Variants in SUPT5H observed in about 807,000 individuals in gnomAD.
SUPT5H encodes SPT5 homolog, DSIF elongation factor subunit.
Under a neutral mutation model 142.5 loss-of-function variants are expected in SUPT5H, and 24 were observed. The observed-to-expected ratio is 0.17, with a 90% confidence interval of 0.12 to 0.24. The LOEUF is 0.24. SUPT5H is among the 10% of genes least tolerant of loss of function. The pLI, the probability that SUPT5H is intolerant of heterozygous loss-of-function variation, is 1.00. For synonymous variants in SUPT5H, 546 were observed against 553.0 expected, an observed-to-expected ratio of 0.99 and a Z score of 0.18; for missense variants, 893 against 1,471.8, an observed-to-expected ratio of 0.61 and a Z score of 6.43.
At chr19:39,452,846 A>G (rs2079037288) in intron 2 of SUPT5H, among the ~76,000 whole-genome samples, 1 of 152,004 alleles carries the variant, frequency 6.6e-6, no homozygotes, top group Non-Finnish European at 1.5e-5. Context: ...CCACGTGTCT[A>G]CTAAAAAAAT....
At chr19:39,460,000 C>T (rs1255345654) in intron 10 of SUPT5H, 40 bp downstream of exon 10, 2 of 1,601,616 alleles carry the variant, frequency 1.2e-6, no homozygotes, top group Non-Finnish European at 1.7e-6. Context: ...GGAGACATGG[C>T]AACACCCAGA....
intron 7 of SUPT5H, 46 bp from the exon 8 acceptor site, chr19:39,459,138 G>A (rs768681310): frequency 1.2e-6 from 2 of 1,612,604 alleles, no homozygotes; most frequent in Non-Finnish European, 1.7e-6. Flanking sequence ...AAGGGGCGGG[G>A]ATCTGACAGA....
rs1340185620 is a variant in SUPT5H at position 39,474,894 on chromosome 19, C to T, written c.3024+176C>T. On this transcript the variant is annotated intron_variant, in intron 28 of 29. Transcript: ENST00000432763. This position sits in a 1 kb window ranked among gnomAD's most constrained non-coding sequence, Gnocchi z 6.5. ...AAAGGAGGCATCTTACCTGATTTAG[C>T]GGGGAATCAGGGAGGGCTGCCTGGG... 9 of 704,022 alleles carry T rather than the reference C, an allele frequency of 1.3e-5. No individual in the cohort carries two copies. The highest frequency in any genetic ancestry group is 2.7e-5 in the East Asian group (1 of 36,670). 43.6% of individuals were successfully genotyped at this position (704,022 alleles called of 1,614,324 possible).
At chr19:39,449,907 T>G (rs1257714200) in intron 2 of SUPT5H, among the ~76,000 whole-genome samples, 8 of 150,778 alleles carry the variant, frequency 5.3e-5, no homozygotes. Flanking sequence ...CCCAAAGTGC[T>G]GGGATTACAG....
chr19:39,470,451 A>G lies in SUPT5H; in HGVS notation c.1605A>G (p.Glu535=). Residue 535 remains glutamate (E), a synonymous_variant, in exon 18 of 30, where the codon GAA becomes GAG. Transcript: ENST00000432763. This position sits in a 1 kb window ranked among gnomAD's most constrained non-coding sequence, Gnocchi z 5.8. The part of the protein sequence containing the change: ...ASGVDVGGQH[E]WGELVQLDPQ... ...GTGTGGATGTTGGGGGCCAGCATGA[A>G]TGGGGCGAGCTGGTGCAGCTGGATC... The G allele has an allele frequency of 6.2e-7, 1 of 1,606,876 alleles. No homozygotes were observed. Among genetic ancestry groups the G allele is most frequent in the Middle Eastern group, 1.7e-4 (1 of 6,040 alleles).
rs766297953 is a variant in SUPT5H at position 39,473,233 on chromosome 19, G to T, written c.2289G>T (p.Ser763=). The change falls in exon 24 of 30, where the codon TCG becomes TCT. Residue 763 remains serine (S), a synonymous_variant. Transcript: ENST00000432763. This position sits in a 1 kb window ranked among gnomAD's most constrained non-coding sequence, Gnocchi z 5.8. ...VGSRRPGGMT[S]TYGRTPMYGS... is the part of the protein sequence containing the mutation. ...CACGGCGCCCGGGCGGCATGACCTC[G>T]ACCTATGGGAGGACGCCCATGTATG... The T allele has an allele frequency of 1.9e-6, 3 of 1,613,344 alleles. No individual in the cohort carries two copies. The highest frequency in any genetic ancestry group is 1.7e-5 in the Admixed American group (1 of 60,016).
chr19:39,460,275 G>T (rs1477752673), intron 10 of SUPT5H: 2 of 377,980 alleles, frequency 5.3e-6, no homozygotes, highest in African/African-American at 4.1e-5. Flanking sequence ...TTGGGCTGGG[G>T]TCACCCACTT....
At chr19:39,459,315 G>T in intron 8 of SUPT5H, 66 bp downstream of exon 8, 2 of 1,530,632 alleles carry the variant, frequency 1.3e-6, no homozygotes, top group Non-Finnish European at 1.8e-6. Flanking sequence ...ATGGTGCCTA[G>T]ACAGGTGGCT....
rs531503959 is a variant in SUPT5H at position 39,456,320 on chromosome 19, C to G, written c.242-1355C>G. Among the ~76,000 whole-genome samples the G allele has an allele frequency of 5.3e-5, 8 of 151,890 alleles. No homozygotes were observed. The South Asian group carries it at 1.7e-3, about 32-fold the overall frequency. ...TCATGGCTCACTGCAGCCTCTACCT[C>G]CCAGGTCCAAGTGATCCTCTCACCT... On this transcript the variant is annotated intron_variant, in intron 3 of 29. Coordinates refer to ENST00000432763, the MANE Select transcript of SUPT5H (RefSeq NM_001111020.3).
In SUPT5H at chr19:39,471,452, G is replaced by C; in HGVS notation, c.1773G>C (p.Gln591His). 1 of 1,614,242 alleles carries C rather than the reference G, an allele frequency of 6.2e-7. No individual in the cohort carries two copies. The change falls in exon 19 of 30, where the codon CAG (glutamine) becomes CAC (histidine). Residue 591 changes from glutamine (Q) to histidine (H), a missense_variant. This residue lies in a region of SUPT5H where 428 missense variants were observed against 763.5 expected (regional missense o/e 0.56). Coordinates refer to ENST00000432763, the MANE Select transcript of SUPT5H (RefSeq NM_001111020.3). Reference sequence around the variant, plus strand: ...TTGCTGTGGCCTTGGACTCAGAGCAGAACAACATCCATGTGAAAGACATCG... The same window carrying C: ...TTGCTGTGGCCTTGGACTCAGAGCACAACAACATCCATGTGAAAGACATCG... ...NRFAVALDSEQNNIHVKDIVK... is the reference protein window; with the variant it reads ...NRFAVALDSEHNNIHVKDIVK...
chr19:39,451,441 G>A (rs1040425483), intron 2 of SUPT5H, among the ~76,000 whole-genome samples: 5 of 151,692 alleles, frequency 3.3e-5, no homozygotes, highest in South Asian at 2.1e-4. Context: ...GGTGATCCGC[G>A]CGAGCCACCG....
At position 39,445,810 on chromosome 19, in the gene SUPT5H, A is replaced by T; in HGVS notation, c.-81A>T. 6.5e-7 allele frequency: 1 copy of T among 1,541,604 alleles called. No individual in the cohort carries two copies. The highest frequency in any genetic ancestry group is 8.8e-7 in the Non-Finnish European group (1 of 1,130,316). ...AGGGGTTTTCTTCTCCCAGGGAACCAGCGGGGAAACTGAGGCTCGGGGTGG... is the reference window on the plus strand; with the variant it reads ...AGGGGTTTTCTTCTCCCAGGGAACCTGCGGGGAAACTGAGGCTCGGGGTGG... On this transcript the variant is annotated 5_prime_UTR_variant, in exon 2 of 30. Coordinates refer to ENST00000432763, the MANE Select transcript of SUPT5H (RefSeq NM_001111020.3).
chr19:39,449,587 C>G (rs911649305), intron 2 of SUPT5H, among the ~76,000 whole-genome samples: 2 of 151,166 alleles, frequency 1.3e-5, no homozygotes, highest in African/African-American at 4.9e-5. Flanking sequence ...GAGGATGTGC[C>G]TGACTCTGCC....
Position 39,458,614 on chromosome 19 carries a change from TG to T in SUPT5H, c.320-201del. 1 of 699,140 alleles carries T rather than the reference TG, an allele frequency of 1.4e-6. No individual in the cohort carries two copies. Among genetic ancestry groups the T allele is most frequent in the South Asian group, 1.9e-5 (1 of 51,884 alleles). 43.3% of individuals were successfully genotyped at this position (699,140 alleles called of 1,614,324 possible). A position where few individuals can be genotyped will look rare whatever the true frequency, so the allele number is the denominator to read the frequency against. The stretch of plus-strand genomic sequence containing the variant: ...AACAGCTGGAAGCCCCCCAACTTGC[TG>T]GGCCCCATCCCCAGTCTTTTTGACA... On this transcript the variant is annotated intron_variant, in intron 5 of 29. Coordinates refer to ENST00000432763, the MANE Select transcript of SUPT5H (RefSeq NM_001111020.3). The surrounding 1 kb of genome is among the most constrained non-coding windows in gnomAD (Gnocchi z 4.2).
At chr19:39,468,561 A>G in intron 13 of SUPT5H, 195 bp from the exon 14 acceptor site, 1 of 592,972 alleles carries the variant, frequency 1.7e-6, no homozygotes, top group Non-Finnish European at 3.0e-6. Flanking sequence ...GAATGGGTGG[A>G]GGAGTGCAGG....
In SUPT5H at chr19:39,472,814, G is replaced by C; in HGVS notation, c.2040G>C (p.Gln680His). The C allele has an allele frequency of 1.9e-6, 3 of 1,612,368 alleles. No individual in the cohort carries two copies. Among genetic ancestry groups the C allele is most frequent in the Non-Finnish European group, 2.5e-6 (3 of 1,179,078 alleles). ...SSPMHPSAGGQRGGFGSPGGG... is the reference protein window; with the variant it reads ...SSPMHPSAGGHRGGFGSPGGG... ...GACATTCTCCCCAATCCCCAGGTCA[G>C]CGTGGCGGCTTTGGTAGCCCAGGTG... The change falls in exon 22 of 30, where the codon CAG (glutamine) becomes CAC (histidine). Residue 680 changes from glutamine to histidine, a missense_variant. Gln to His is a conservative substitution (Grantham distance 24, BLOSUM62 0). Coordinates refer to ENST00000432763, the MANE Select transcript of SUPT5H (RefSeq NM_001111020.3). The surrounding 1 kb of genome is among the most constrained non-coding windows in gnomAD (Gnocchi z 4.2).
Position 39,458,766 on chromosome 19 carries a change from GC to G in SUPT5H, c.320-48del. 6.5e-7 allele frequency: 1 copy of G among 1,535,590 alleles called. No homozygotes were observed. Among genetic ancestry groups the G allele is most frequent in the Non-Finnish European group, 8.9e-7 (1 of 1,129,632 alleles). On this transcript the variant is annotated intron_variant, in intron 5 of 29. Transcript: ENST00000432763. This position sits in a 1 kb window ranked among gnomAD's most constrained non-coding sequence, Gnocchi z 4.2. ...AGCTGCACGCTCCTATTTTCTCCAGGCCCCTGCCCTCCACCTGCCCTTGCTC... is the reference window on the plus strand; with the variant it reads ...AGCTGCACGCTCCTATTTTCTCCAGGCCCTGCCCTCCACCTGCCCTTGCTC...
rs2079365355 is a variant in SUPT5H, at chr19:39,474,039, C to T, written c.2569C>T (p.Pro857Ser). ...SPQAYGGTPN[P>S]QTPGYPDPSS... ...GCAGGCCTATGGGGGAACCCCCAAT[C>T]CCCAAACACCTGGCTACCCAGACCC... Residue 857 changes from proline (P) to serine (S), a missense_variant, in exon 26 of 30, where the codon CCC becomes TCC. Pro to Ser is a moderately conservative substitution (Grantham distance 74, BLOSUM62 -1). Transcript: ENST00000432763. The surrounding 1 kb of genome is among the most constrained non-coding windows in gnomAD (Gnocchi z 6.5). The T allele has an allele frequency of 6.2e-7, 1 of 1,612,896 alleles. No homozygotes were observed. Among genetic ancestry groups the T allele is most frequent in the Non-Finnish European group, 8.5e-7 (1 of 1,179,292 alleles).
rs190417081 is a variant in SUPT5H, at chr19:39,448,853, T to C, written c.75+2888T>C. ...GCTCACGCCTGTGATCCCAGCACTTTGGGAGGCTGAGGTGGGTGGATCACG... is the reference window on the plus strand; with the variant it reads ...GCTCACGCCTGTGATCCCAGCACTTCGGGAGGCTGAGGTGGGTGGATCACG... On this transcript the variant is annotated intron_variant, in intron 2 of 29. Coordinates refer to ENST00000432763, the MANE Select transcript of SUPT5H (RefSeq NM_001111020.3). Among the ~76,000 whole-genome samples the C allele has an allele frequency of 4.8e-4, 73 of 152,008 alleles. No individual in the cohort carries two copies. In the East Asian group the frequency reaches 0.011, roughly 24 times the overall value.
Sources: gnomAD v4.1 joint callset for allele counts (sites outside exome capture counted in the v4.1 genomes callset) on GRCh38, gnomAD v4.1.1 for gene constraint, gnomAD v4.1.1 regional missense constraint, Gnocchi (gnomAD v3.1) non-coding constraint, MANE v1.5 for transcripts, NCBI Gene and HGNC (gene_info 2026-07-23, HGNC 2026-07-21) for gene names.